ZNF765: variants seen among roughly 807,000 people sequenced by gnomAD.
ZNF765 encodes the protein zinc finger protein 765.
A neutral mutation model predicts 44.7 loss-of-function variants in ZNF765; 37 were observed. The observed-to-expected ratio is 0.83, with a 90% CI of 0.64 to 1.09. The LOEUF (loss-of-function observed/expected upper bound fraction) is 1.09. ZNF765 is among the 50% of genes least tolerant of loss of function. The pLI is 0.00. For missense variants in ZNF765, 594 were observed against 626.1 expected, an observed-to-expected ratio of 0.95 and a Z score of 0.55; for synonymous variants, 201 against 213.7, an observed-to-expected ratio of 0.94 and a Z score of 0.52.
intron 2 of ZNF765, among the ~76,000 whole-genome samples, chr19:53,401,169 T>C (rs1857466826): frequency 2.0e-5 from 3 of 152,086 alleles, no homozygotes; most frequent in Admixed American, 2.0e-4. Context: ...CCCAGCCAGA[T>C]TTTAGTTTCT....
At chr19:53,402,342 C>T (rs544812435) in intron 3 of ZNF765, among the ~76,000 whole-genome samples, 151 bp downstream of exon 3, 1 of 150,380 alleles carries the variant, frequency 6.6e-6, no homozygotes, top group Non-Finnish European at 1.5e-5. Context: ...CGGCCAGCTC[C>T]GCCTCCCGGG....
intron 3 of ZNF765, among the ~76,000 whole-genome samples, chr19:53,406,860 A>C (rs2085780322): frequency 6.6e-6 from 1 of 152,208 alleles, no homozygotes; most frequent in South Asian, 2.1e-4. Flanking sequence ...GGTTGCAGTG[A>C]GCTGAGATCG....
At position 53,408,888 on chromosome 19, in the gene ZNF765, A is replaced by T; in HGVS notation, c.1333A>T (p.Lys445Ter). ...EKPYKCEECD[K>*]AYSFKSNLEI... ...ACCTTACAAATGTGAAGAATGTGAC[A>T]AAGCCTACAGTTTCAAATCAAACCT... The change falls in exon 4 of 4, where the codon AAA becomes TAA. Residue 445 changes from lysine to a stop codon, truncating the protein, a stop_gained. Transcript: ENST00000396408. LOFTEE classifies it high-confidence loss of function. 1.2e-6 allele frequency: 2 copies of T among 1,613,952 alleles called. No homozygotes were observed. Among genetic ancestry groups the T allele is most frequent in the Non-Finnish European group, 1.7e-6 (2 of 1,179,934 alleles).
At chr19:53,412,980 G>C (rs765570390), downstream of ZNF765, among the ~76,000 whole-genome samples, 2 of 152,156 alleles carry the variant, frequency 1.3e-5, no homozygotes, top group Non-Finnish European at 2.9e-5. Flanking sequence ...TATGGTGGCA[G>C]ATGCCAGTAA....
At chr19:53,426,047 G>T (rs2085937386) in exon 4 of ZNF765, 1 of 152,296 alleles carries the variant, frequency 6.6e-6, no homozygotes, top group Middle Eastern at 3.2e-3. Flanking sequence ...GAAGAGGTGG[G>T]CCTCTCTCCG....
At chr19:53,406,663 C>A (rs1216295181) in intron 3 of ZNF765, among the ~76,000 whole-genome samples, 3 of 152,166 alleles carry the variant, frequency 2.0e-5, no homozygotes, top group African/African-American at 7.2e-5. Context: ...GCCTGCAATC[C>A]CAGGACTTTG....
chr19:53,409,105 C>T lies in ZNF765; in HGVS notation c.1550C>T (p.Thr517Ile). ...SNLERHRRIY[T>I]GEKLHV ...CTTGAAAGACATAGGAGAATTTATACTGGAGAGAAACTACACGTGTAATGA... is the reference window on the plus strand; with the variant it reads ...CTTGAAAGACATAGGAGAATTTATATTGGAGAGAAACTACACGTGTAATGA... Residue 517 changes from threonine (T) to isoleucine (I), a missense_variant, in exon 4 of 4, where the codon ACT becomes ATT. Thr to Ile is a moderately conservative substitution (Grantham distance 89). Coordinates refer to ENST00000396408, the MANE Select transcript of ZNF765 (RefSeq NM_001040185.3). 1.2e-6 allele frequency: 2 copies of T among 1,613,414 alleles called. No homozygotes were observed. The highest frequency in any genetic ancestry group is 1.3e-5 in the African/African-American group (1 of 74,956).
Position 53,407,844 on chromosome 19 carries a change from A to C in ZNF765, c.289A>C (p.Ile97Leu), listed in dbSNP as rs775592689. Reference sequence around the variant, plus strand: ...GGATATTGATAAAGATATTCATGACATTGAGTTTCAGTGGCAAGAAGATGA... The same window carrying C: ...GGATATTGATAAAGATATTCATGACCTTGAGTTTCAGTGGCAAGAAGATGA... ...FQDIDKDIHDIEFQWQEDERN... is the reference protein window; with the variant it reads ...FQDIDKDIHDLEFQWQEDERN... Residue 97 changes from isoleucine to leucine, a missense_variant, in exon 4 of 4, where the codon ATT (isoleucine) becomes CTT (leucine). By Grantham distance (5) the Ile-to-Leu change is conservative. Coordinates refer to ENST00000396408, the MANE Select transcript of ZNF765 (RefSeq NM_001040185.3). 1.2e-6 allele frequency: 2 copies of C among 1,613,470 alleles called. No individual in the cohort carries two copies. The highest frequency in any genetic ancestry group is 1.1e-5 in the South Asian group (1 of 90,794).
intron 2 of ZNF765, among the ~76,000 whole-genome samples, chr19:53,400,722 C>T (rs1239939445): frequency 7.1e-6 from 1 of 141,554 alleles, no homozygotes; most frequent in Non-Finnish European, 1.5e-5. Context: ...GTATTAACAT[C>T]TAGTTTTTTG....
At chr19:53,417,098 G>A (rs1225900439) in intron 3 of ZNF765, among the ~76,000 whole-genome samples, 2 of 152,144 alleles carry the variant, frequency 1.3e-5, no homozygotes, top group African/African-American at 2.4e-5. Flanking sequence ...GATTACAGAC[G>A]TGAGCCACTA....
In ZNF765 at chr19:53,411,292, A is replaced by AT. The variant is rs34326774; in HGVS notation, c.*2182dup. The AT allele has an allele frequency of 0.13, 17,834 of 133,128 alleles. 1,431 individuals carry two copies. The highest frequency in any genetic ancestry group is 0.26 in the East Asian group (1,172 of 4,482). 8.2% of individuals were successfully genotyped at this position (133,128 alleles called of 1,614,324 possible). On this transcript the variant is annotated 3_prime_UTR_variant, in exon 4 of 4. Transcript: ENST00000396408. ...GTTTCTTTAACAAAAACTGATAGGGATTTTTTTTTTTTTTTTTGAGATGGA... is the reference window on the plus strand; with the variant it reads ...GTTTCTTTAACAAAAACTGATAGGGATTTTTTTTTTTTTTTTTTGAGATGGA...
Position 53,408,584 on chromosome 19 carries a change from A to T in ZNF765, c.1029A>T (p.Thr343=), listed in dbSNP as rs1292560516. The change falls in exon 4 of 4, where the codon ACA becomes ACT. Residue 343 remains threonine (T), a synonymous_variant. Transcript: ENST00000396408. ...CCTTTAGTCAGAAGTCGTACCTTAC[A>T]TGCCATCGTAGGCTTCATACTGGAG... is the stretch of plus-strand genomic sequence containing the variant. ...GKTFSQKSYL[T]CHRRLHTGEK... 5.5e-5 allele frequency: 89 copies of T among 1,613,704 alleles called. No homozygotes were observed. Among genetic ancestry groups the T allele is most frequent in the Non-Finnish European group, 7.3e-5 (86 of 1,179,870 alleles).
At chr19:53,424,316 GA>G (rs2085925831) in exon 4 of ZNF765, 2 of 149,562 alleles carry the variant, frequency 1.3e-5, no homozygotes, top group African/African-American at 4.9e-5. Context: ...AAAGAAAAAA[GA>G]AAAAACATTA....
At chr19:53,413,081 G>A (rs898880283), downstream of ZNF765, 10 of 369,412 alleles carry the variant, frequency 2.7e-5, no homozygotes, top group Non-Finnish European at 4.1e-5. Flanking sequence ...TTGCACTCCA[G>A]CCTGCGCAAC....
intron 2 of ZNF765, among the ~76,000 whole-genome samples, chr19:53,398,348 T>C (rs1239276351): frequency 3.9e-5 from 6 of 152,212 alleles, no homozygotes; most frequent in Non-Finnish European, 8.8e-5. Flanking sequence ...CTGGATGCTC[T>C]GTCAGCTCTC....
At chr19:53,413,600 GT>G (rs61360964), downstream of ZNF765, among the ~76,000 whole-genome samples, 3,750 of 138,752 alleles carry the variant, frequency 0.027, 62 homozygotes, top group African/African-American at 0.049. Context: ...TGCTTTTTAG[GT>G]TTTTTTTTTT....
chr19:53,404,768 A>C (rs1414859083), intron 3 of ZNF765, among the ~76,000 whole-genome samples: 2 of 152,128 alleles, frequency 1.3e-5, no homozygotes, highest in Non-Finnish European at 1.5e-5. Flanking sequence ...CCAGCCTCAA[A>C]GTTTTTAAAA....
In ZNF765 at chr19:53,410,938, G is replaced by A; in HGVS notation, c.*1811G>A. On this transcript the variant is annotated 3_prime_UTR_variant, in exon 4 of 4. Transcript: ENST00000396408. Reference sequence around the variant, plus strand: ...CAGAAATCTTATAAATGTCATCAGTGTGCCAAAGTCTTCAGTCTGAGCTCA... The same window carrying A: ...CAGAAATCTTATAAATGTCATCAGTATGCCAAAGTCTTCAGTCTGAGCTCA... The A allele has an allele frequency of 2.4e-6, 1 of 418,418 alleles. No individual in the cohort carries two copies. The highest frequency in any genetic ancestry group is 4.8e-6 in the Non-Finnish European group (1 of 206,736). 25.9% of individuals were successfully genotyped at this position (418,418 alleles called of 1,614,324 possible).
chr19:53,419,066 C>T (rs962391283), intron 3 of ZNF765, among the ~76,000 whole-genome samples: 9 of 152,024 alleles, frequency 5.9e-5, no homozygotes, highest in Non-Finnish European at 1.0e-4. Flanking sequence ...GGACTGTAGA[C>T]CCTATACCAG....
Sources: gnomAD v4.1 joint callset for allele counts (sites outside exome capture counted in the v4.1 genomes callset) on GRCh38, gnomAD v4.1.1 for gene constraint, MANE v1.5 for transcripts, NCBI Gene and HGNC (gene_info 2026-07-23, HGNC 2026-07-21) for gene names.